Variants in CHEK1 observed in about 807,000 individuals in gnomAD.
CHEK1 encodes checkpoint kinase 1.
A neutral mutation model predicts 60.2 loss-of-function variants in CHEK1; 32 were observed. The ratio of observed to expected loss-of-function variants is 0.53; its 90% CI spans 0.40 to 0.71. The LOEUF is 0.71. Ranked by LOEUF, CHEK1 falls within the 30% of genes least tolerant of loss-of-function variation. The pLI is 0.00. For missense variants in CHEK1, 399 were observed against 564.6 expected, an observed-to-expected ratio of 0.71 and a Z score of 2.97; for synonymous variants, 179 against 187.2, an observed-to-expected ratio of 0.96 and a Z score of 0.36.
chr11:125,657,725 TCTG>T (rs1941945862), downstream of CHEK1, among the ~76,000 whole-genome samples: 1 of 152,240 alleles, frequency 6.6e-6, no homozygotes, highest in Admixed American at 6.5e-5. Flanking sequence ...CACTAACTAT[TCTG>T]CTGCTAATTG....
intron 13 of CHEK1, chr11:125,672,481 G>C: frequency 7.9e-7 from 1 of 1,272,986 alleles, no homozygotes; most frequent in Non-Finnish European, 1.1e-6. Context: ...TGCTCAGGCA[G>C]AGGCAGATGT....
At chr11:125,675,508 A>G (rs1178684119) in intron 13 of CHEK1, among the ~76,000 whole-genome samples, 1 of 152,210 alleles carries the variant, frequency 6.6e-6, no homozygotes, top group Non-Finnish European at 1.5e-5. Flanking sequence ...AGGAAGAAGA[A>G]AAACTACAAG....
Position 125,638,846 on chromosome 11 carries a change from C to T in CHEK1, c.814+1302C>T, listed in dbSNP as rs370862190. ...TTAAATATTTATTTGGATCATCCTC[C>T]TGATATCCTGACTTCACTGTTTCTT... On this transcript the variant is annotated intron_variant, in intron 8 of 12. Coordinates refer to ENST00000438015, the MANE Select transcript of CHEK1 (RefSeq NM_001114122.3). Among the ~76,000 whole-genome samples, 9 of 152,284 alleles carry T rather than the reference C, an allele frequency of 5.9e-5. No homozygotes were observed. In the South Asian group the frequency reaches 1.4e-3, roughly 25 times the overall value.
At chr11:125,635,698 C>A (rs865877510) in intron 7 of CHEK1, 165 bp downstream of exon 7, 8 of 453,218 alleles carry the variant, frequency 1.8e-5, no homozygotes, top group African/African-American at 1.7e-4. Context: ...AAAAATAACT[C>A]TTTAGTCCCA....
intron 7 of CHEK1, chr11:125,635,924 A>G (rs1941056472): frequency 6.3e-6 from 1 of 157,620 alleles, no homozygotes; most frequent in South Asian, 1.9e-4. Context: ...ATTTACATAA[A>G]TCTAGATAGT....
chr11:125,646,085 A>G (rs1306290264), intron 11 of CHEK1, among the ~76,000 whole-genome samples: 1 of 152,112 alleles, frequency 6.6e-6, no homozygotes, highest in Non-Finnish European at 1.5e-5. Context: ...AGAACATTGC[A>G]TCACCACGGG....
intron 11 of CHEK1, among the ~76,000 whole-genome samples, chr11:125,650,673 C>T (rs1032715198): frequency 6.6e-6 from 1 of 151,930 alleles, no homozygotes. Flanking sequence ...AGGCTGGTCT[C>T]GAACTCCTGA....
At chr11:125,650,033 C>T (rs1045878603) in intron 11 of CHEK1, 1 of 151,842 alleles carries the variant, frequency 6.6e-6, no homozygotes. Flanking sequence ...TATGGTGTAT[C>T]TTGGTGTGGA....
downstream of CHEK1, chr11:125,680,636 G>T (rs1942753186): frequency 3.4e-6 from 4 of 1,175,308 alleles, no homozygotes; most frequent in Non-Finnish European, 5.0e-6. Context: ...ATTGGTTTGG[G>T]TGACTGAGAG....
At chr11:125,632,956 G>C (rs986979210) in intron 5 of CHEK1, among the ~76,000 whole-genome samples, 3 of 152,098 alleles carry the variant, frequency 2.0e-5, no homozygotes, top group African/African-American at 7.2e-5. Context: ...GTTAATAGAA[G>C]AGGTGAGGCC....
At chr11:125,674,831 T>C (rs547182472) in intron 13 of CHEK1, among the ~76,000 whole-genome samples, 4 of 152,346 alleles carry the variant, frequency 2.6e-5, no homozygotes, top group African/African-American at 7.2e-5. Flanking sequence ...ATTCAAACTC[T>C]TTTTAACTGA....
chr11:125,650,165 C>T (rs1253320096), intron 11 of CHEK1, among the ~76,000 whole-genome samples: 1 of 151,354 alleles, frequency 6.6e-6, no homozygotes, highest in African/African-American at 2.4e-5. Context: ...ATATCTAACT[C>T]TCCTCTCCCT....
intron 10 of CHEK1, 102 bp downstream of exon 10, chr11:125,644,370 C>A: frequency 6.9e-7 from 1 of 1,450,482 alleles, no homozygotes; most frequent in Non-Finnish European, 9.3e-7. Context: ...ACTTTTAAAT[C>A]ACATGTATTC....
At chr11:125,657,322 A>G (rs1039466347), downstream of CHEK1, among the ~76,000 whole-genome samples, 5 of 151,686 alleles carry the variant, frequency 3.3e-5, no homozygotes, top group Non-Finnish European at 7.4e-5. Flanking sequence ...GATAAGCATA[A>G]TTATATAAAA....
intron 5 of CHEK1, among the ~76,000 whole-genome samples, chr11:125,632,465 GT>G (rs1249065776): frequency 1.3e-5 from 2 of 152,058 alleles, no homozygotes; most frequent in Non-Finnish European, 2.9e-5. Context: ...CTTCATAACA[GT>G]TTTCTATTGT....
At chr11:125,654,968 G>A (rs1941860991) in intron 12 of CHEK1, among the ~76,000 whole-genome samples, 1 of 152,182 alleles carries the variant, frequency 6.6e-6, no homozygotes, top group Non-Finnish European at 1.5e-5. Context: ...GAAACAGATA[G>A]GATGCCATGT....
At chr11:125,657,187 TTGTG>T (rs3831425), downstream of CHEK1, 951 of 147,188 alleles carry the variant, frequency 6.5e-3, 23 homozygotes, top group African/African-American at 0.019. Context: ...CAACCTATGC[TTGTG>T]TGTGTGTGTG....
downstream of CHEK1, chr11:125,680,860 T>G: frequency 2.5e-6 from 3 of 1,180,324 alleles, no homozygotes; most frequent in Non-Finnish European, 3.7e-6. Flanking sequence ...GAGCAAAAGC[T>G]TCCAGTGCTG....
intron 13 of CHEK1, among the ~76,000 whole-genome samples, chr11:125,665,894 T>TTTTTTTTA: frequency 7.8e-6 from 1 of 128,430 alleles, no homozygotes; most frequent in South Asian, 2.6e-4. Context: ...TTTTTTTTTT[T>TTTTTTTTA]GTAGTCTAGG....
Sources: gnomAD v4.1 joint callset for allele counts (sites outside exome capture counted in the v4.1 genomes callset) on GRCh38, gnomAD v4.1.1 for gene constraint, MANE v1.5 for transcripts, NCBI Gene and HGNC (gene_info 2026-07-23, HGNC 2026-07-21) for gene names.